ASS1: variants seen among roughly 807,000 people sequenced by gnomAD.
ASS1 encodes argininosuccinate synthase.
A neutral mutation model predicts 60.5 loss-of-function variants in ASS1; 58 were observed. The observed-to-expected ratio is 0.96, with a 90% confidence interval of 0.78 to 1.19. ASS1 has a LOEUF of 1.19. Ranked by LOEUF, ASS1 falls within the 50% of genes most tolerant of loss-of-function variation. ASS1 has a pLI of 0.00. For missense variants in ASS1, 454 were observed against 547.3 expected (o/e 0.83, Z 1.70); for synonymous variants, 200 against 206.9 (o/e 0.97, Z 0.29).
intron 8 of ASS1, among the ~76,000 whole-genome samples, chr9:130,471,953 C>T (rs1417742348): frequency 2.0e-5 from 3 of 152,138 alleles, no homozygotes; most frequent in Non-Finnish European, 2.9e-5. Flanking sequence ...TGTCTGGATC[C>T]GTGTTGCACA....
chr9:130,472,009 G>A (rs965332138), intron 8 of ASS1, among the ~76,000 whole-genome samples: 32 of 152,272 alleles, frequency 2.1e-4, no homozygotes, highest in African/African-American at 7.5e-4. Context: ...CTTCCCGGGC[G>A]GGCTGGACTG....
intron 1 of ASS1, chr9:130,450,301 C>G (rs1845298216): frequency 1.0e-6 from 1 of 987,834 alleles, no homozygotes; most frequent in Non-Finnish European, 1.2e-6. Flanking sequence ...AAAACAGATT[C>G]CAGACGCCGG....
rs530449922 is a variant in ASS1, at chr9:130,499,645, T to A, written c.1193+75T>A. Reference sequence around the variant, plus strand: ...GGTAGGCTTTGAGAGCCCCCAGGTGTAAAGGGTAGGCTTTGATGCGACCTT... The same window carrying A: ...GGTAGGCTTTGAGAGCCCCCAGGTGAAAAGGGTAGGCTTTGATGCGACCTT... On this transcript the variant is annotated intron_variant, in intron 14 of 14. Transcript: ENST00000352480. 4.8e-6 allele frequency: 7 copies of A among 1,464,340 alleles called. No individual in the cohort carries two copies. In the African/African-American group the frequency reaches 6.9e-5, roughly 15 times the overall value. 90.7% of individuals were successfully genotyped at this position (1,464,340 alleles called of 1,614,324 possible). A position where few individuals can be genotyped will look rare whatever the true frequency, so the allele number is the denominator to read the frequency against.
chr9:130,447,425 G>A (rs1404218471), intron 1 of ASS1, among the ~76,000 whole-genome samples: 3 of 152,272 alleles, frequency 2.0e-5, no homozygotes, highest in Non-Finnish European at 1.5e-5. Context: ...TTTTCAAGTA[G>A]CACGAGTTTT....
At chr9:130,499,468 G>T (rs771289726) in intron 13 of ASS1, 37 bp from the exon 14 acceptor site, 90 of 1,605,782 alleles carry the variant, frequency 5.6e-5, no homozygotes, top group Non-Finnish European at 7.1e-5. Flanking sequence ...AGAGGCCAGG[G>T]CCAGGCTGAG....
Position 130,477,304 on chromosome 9 carries a change from CT to C in ASS1, c.688+344del, listed in dbSNP as rs138474176. ...GTATCTGAGGATGAAAGAGTGCCTG[CT>C]GTTTTCCTGGGGTAGAATGAGGCCT... On this transcript the variant is annotated intron_variant, in intron 9 of 14. Coordinates refer to ENST00000352480, the MANE Select transcript of ASS1 (RefSeq NM_054012.4). This position sits in a 1 kb window ranked among gnomAD's most constrained non-coding sequence, Gnocchi z 4.2. 6.7e-3 allele frequency among the ~76,000 whole-genome samples: 1,013 copies of C among 152,304 alleles called. 11 individuals are homozygous for C. The highest frequency in any genetic ancestry group is 0.024 in the African/African-American group (983 of 41,562).
intron 12 of ASS1, among the ~76,000 whole-genome samples, chr9:130,493,059 C>G (rs1246459224): frequency 6.6e-6 from 1 of 152,138 alleles, no homozygotes; most frequent in Non-Finnish European, 1.5e-5. Flanking sequence ...GCTAATTATC[C>G]CAGCTCCGTC....
chr9:130,483,714 C>A (rs1159209312), intron 11 of ASS1, among the ~76,000 whole-genome samples: 1 of 148,322 alleles, frequency 6.7e-6, no homozygotes, highest in Admixed American at 6.7e-5. Context: ...CAGCCCTGCC[C>A]GTCTCACCTC....
intron 13 of ASS1, 72 bp downstream of exon 13, chr9:130,495,095 A>T: frequency 6.6e-7 from 1 of 1,525,974 alleles, no homozygotes; most frequent in Non-Finnish European, 8.8e-7. Context: ...TCCTCAAGAC[A>T]TCTGTGCCTG....
chr9:130,497,697 A>T (rs1375314263), intron 13 of ASS1, among the ~76,000 whole-genome samples: 2 of 152,050 alleles, frequency 1.3e-5, no homozygotes, highest in Non-Finnish European at 2.9e-5. Context: ...GGGGAACGGG[A>T]TGGGGAGAGT....
Position 130,446,711 on chromosome 9 carries a change from C to G in ASS1, c.-6+1716C>G, listed in dbSNP as rs1432188484. Among the ~76,000 whole-genome samples the G allele has an allele frequency of 4.6e-5, 7 of 152,330 alleles. No homozygotes were observed. In the East Asian group the frequency reaches 1.4e-3, roughly 29 times the overall value. On this transcript the variant is annotated intron_variant, in intron 1 of 14. Transcript: ENST00000352480. ...CAGCCTGCTGCACAAGCGCTTCCCC[C>G]TCCCAACCCGGGCCCATCTCATCTT...
chr9:130,457,908 C>T (rs1033650267), intron 3 of ASS1, among the ~76,000 whole-genome samples: 1 of 152,108 alleles, frequency 6.6e-6, no homozygotes, highest in Non-Finnish European at 1.5e-5. Context: ...CCTGTAATCC[C>T]AGCACTTTGG....
rs1588492576 is a variant in ASS1 at position 130,476,875 on chromosome 9, A to T, written c.602A>T (p.Gln201Leu). The T allele has an allele frequency of 6.2e-7, 1 of 1,613,742 alleles. No homozygotes were observed. Residue 201 changes from glutamine (Q) to leucine (L), a missense_variant, in exon 9 of 15, where the codon CAA (glutamine) becomes CTA (leucine). By Grantham distance (113) the Gln-to-Leu change is moderately radical. Transcript: ENST00000352480. This position sits in a 1 kb window ranked among gnomAD's most constrained non-coding sequence, Gnocchi z 4.9. ...EAGILENPKN[Q>L]APPGLYTKTQ... Reference sequence around the variant, plus strand: ...CCACTTTCTGTCTTTTTTCAGAACCAAGCGCCTCCAGGTCTCTACACGAAG... The same window carrying T: ...CCACTTTCTGTCTTTTTTCAGAACCTAGCGCCTCCAGGTCTCTACACGAAG...
intron 5 of ASS1, among the ~76,000 whole-genome samples, chr9:130,465,656 A>G (rs978548723): frequency 2.6e-5 from 4 of 152,222 alleles, no homozygotes; most frequent in African/African-American, 9.6e-5. Flanking sequence ...TAAGCCCCCA[A>G]GGGGCTCACA....
chr9:130,451,856 C>T, intron 1 of ASS1: 1 of 478,980 alleles, frequency 2.1e-6, no homozygotes, highest in South Asian at 1.5e-5. Context: ...GCCAAGGCCC[C>T]TCCCACATCT....
At position 130,477,969 on chromosome 9, in the gene ASS1, AT is replaced by A. The variant is rs1478052172; in HGVS notation, c.688+1009del. On this transcript the variant is annotated intron_variant, in intron 9 of 14. Transcript: ENST00000352480. The surrounding 1 kb of genome is among the most constrained non-coding windows in gnomAD (Gnocchi z 4.2). ...GGCCGGTGGGGAGGCAGAGCTGCAG[AT>A]CCCCCTCTCCCCCTTGCTGGTGTGA... 6.6e-6 allele frequency among the ~76,000 whole-genome samples: 1 copy of A among 152,030 alleles called. No homozygotes were observed. The highest frequency in any genetic ancestry group is 1.5e-5 in the Non-Finnish European group (1 of 67,988).
At chr9:130,472,858 C>A (rs1441883664) in intron 8 of ASS1, among the ~76,000 whole-genome samples, 1 of 152,222 alleles carries the variant, frequency 6.6e-6, no homozygotes, top group Non-Finnish European at 1.5e-5. Flanking sequence ...GCTGGGCAAC[C>A]ACTCCCGGCC....
chr9:130,471,855 C>T (rs1845874470), intron 8 of ASS1, among the ~76,000 whole-genome samples: 2 of 152,200 alleles, frequency 1.3e-5, no homozygotes, highest in South Asian at 4.1e-4. Context: ...GAGGGCCCAG[C>T]CTGTGCCCAC....
In ASS1 at chr9:130,479,714, A is replaced by C. The variant is rs374586230; in HGVS notation, c.689-2A>C. 5 of 1,613,056 alleles carry C rather than the reference A, an allele frequency of 3.1e-6. No individual in the cohort carries two copies. The Admixed American group carries it at 8.3e-5, about 27-fold the overall frequency. On this transcript the variant is annotated splice_acceptor_variant, in intron 9 of 14. Coordinates refer to ENST00000352480, the MANE Select transcript of ASS1 (RefSeq NM_054012.4). LOFTEE classifies it high-confidence loss of function. ...GCCCACTGCCCTCTCTTCCCACCCT[A>C]GGGGTCCCTGTGAAGGTGACCAACG...
Sources: allele counts gnomAD v4.1 joint callset (sites outside exome capture counted in the v4.1 genomes callset), GRCh38; gene constraint gnomAD v4.1.1; non-coding constraint Gnocchi (gnomAD v3.1); transcripts MANE v1.5; gene names NCBI Gene and HGNC (gene_info 2026-07-23, HGNC 2026-07-21).